ARHGEF3: variants seen among roughly 807,000 people sequenced by gnomAD.
ARHGEF3 encodes 59.8 kDA protein.
A neutral mutation model predicts 63.2 loss-of-function variants in ARHGEF3; 28 were observed. The observed-to-expected ratio is 0.44, with a 90% CI of 0.33 to 0.61. The LOEUF is 0.61. Among genes scored for constraint, ARHGEF3 ranks in the 20% least tolerant of loss-of-function variants. The probability of loss-of-function intolerance (pLI) is 0.03; values close to 1 mark genes in which losing one functional copy is unlikely to be tolerated. For synonymous variants in ARHGEF3, 266 were observed against 254.2 expected (o/e 1.05, Z -0.44); for missense variants, 533 against 659.3 (o/e 0.81, Z 2.10).
intron 2 of ARHGEF3, among the ~76,000 whole-genome samples, chr3:56,981,180 T>C (rs1701314264): frequency 6.6e-6 from 1 of 152,256 alleles, no homozygotes; most frequent in African/African-American, 2.4e-5. Flanking sequence ...TGGACTGAGA[T>C]ATCTGCTTGG....
intron 4 of ARHGEF3, among the ~76,000 whole-genome samples, chr3:56,820,382 A>T (rs2038436382): frequency 6.6e-6 from 1 of 152,218 alleles, no homozygotes; most frequent in Admixed American, 6.5e-5. Flanking sequence ...ACATTAAAAC[A>T]CATAATGAGA....
intron 4 of ARHGEF3, among the ~76,000 whole-genome samples, chr3:56,852,367 T>C (rs2039707655): frequency 6.6e-6 from 1 of 152,220 alleles, no homozygotes; most frequent in African/African-American, 2.4e-5. Flanking sequence ...GTAAGTGTTC[T>C]TTTGTAGTTT....
rs1230863140 is a variant in ARHGEF3 at position 56,860,012 on chromosome 3, T to A, written c.192+22280A>T. ...CCTGTCTCTATTAAAAATACAAAAA[T>A]TAGCCAGTCTCATAACCTGGTCTCA... On this transcript the variant is annotated intron_variant, in intron 4 of 12. Coordinates refer to the ARHGEF3 transcript ENST00000338458. Among the ~76,000 whole-genome samples, 4 of 151,342 alleles carry A rather than the reference T, an allele frequency of 2.6e-5. No homozygotes were observed. The South Asian group carries it at 8.4e-4, about 32-fold the overall frequency.
chr3:56,944,001 C>T (rs940234581), intron 3 of ARHGEF3, among the ~76,000 whole-genome samples: 1 of 151,434 alleles, frequency 6.6e-6, no homozygotes, highest in South Asian at 2.1e-4. Flanking sequence ...CATGGTGAAA[C>T]CCCATCTCTA....
chr3:56,863,300 C>G (rs544332833), intron 4 of ARHGEF3, among the ~76,000 whole-genome samples: 372 of 145,546 alleles, frequency 2.6e-3, no homozygotes, highest in African/African-American at 9.6e-3. Context: ...CCACACCCAG[C>G]TAATTTTTTT....
At chr3:56,817,910 G>A (rs565968084) in intron 4 of ARHGEF3, among the ~76,000 whole-genome samples, 2 of 152,310 alleles carry the variant, frequency 1.3e-5, no homozygotes, top group South Asian at 2.1e-4. Context: ...GGAAGGCCAC[G>A]CATGGGGGAT....
chr3:57,017,005 G>GTCTCTCTCTCTC (rs370663400), intron 2 of ARHGEF3, among the ~76,000 whole-genome samples: 72 of 129,114 alleles, frequency 5.6e-4, no homozygotes, highest in African/African-American at 2.3e-3. Flanking sequence ...CTTTCTCTCT[G>GTCTCTCTCTCTC]TCTCTCTCTC....
intron 4 of ARHGEF3, among the ~76,000 whole-genome samples, chr3:56,836,121 C>CT (rs1318070283): frequency 6.6e-6 from 1 of 152,152 alleles, no homozygotes; most frequent in Admixed American, 6.5e-5. Context: ...TTTCCTTATC[C>CT]TTCAGAGATA....
chr3:56,913,789 A>G (rs1348253616), intron 3 of ARHGEF3, among the ~76,000 whole-genome samples: 2 of 152,246 alleles, frequency 1.3e-5, no homozygotes, highest in Non-Finnish European at 2.9e-5. Context: ...ACTACTGGCT[A>G]TCTACCCAGA....
At position 56,971,142 on chromosome 3, in the gene ARHGEF3, C is replaced by T. The variant is rs533318117; in HGVS notation, c.63-12253G>A. On this transcript the variant is annotated intron_variant, in intron 2 of 12. Coordinates refer to the ARHGEF3 transcript ENST00000338458. ...AAATAATGAGAATGAATTCATGGTG[C>T]GGCCCTCAGTAAGTCTGTGGTCACC... Among the ~76,000 whole-genome samples, 14 of 152,204 alleles carry T rather than the reference C, an allele frequency of 9.2e-5. No homozygotes were observed. The East Asian group carries it at 1.3e-3, about 15-fold the overall frequency.
chr3:56,830,729 T>A (rs567632317), intron 4 of ARHGEF3, among the ~76,000 whole-genome samples: 60 of 152,238 alleles, frequency 3.9e-4, no homozygotes, highest in African/African-American at 1.4e-3. Flanking sequence ...TCCAGCACAG[T>A]GTCCTTTCCC....
chr3:56,902,915 A>T (rs991897478), intron 3 of ARHGEF3, among the ~76,000 whole-genome samples: 1 of 152,200 alleles, frequency 6.6e-6, no homozygotes, highest in African/African-American at 2.4e-5. Context: ...TGAGGACCCA[A>T]GTAGCCCCAA....
intron 1 of ARHGEF3, among the ~76,000 whole-genome samples, chr3:56,782,271 G>A (rs1394102181): frequency 1.3e-5 from 2 of 152,126 alleles, no homozygotes; most frequent in African/African-American, 4.8e-5. Flanking sequence ...ACGGAAACCT[G>A]ACTTCATTGA....
At chr3:56,994,739 C>T (rs139202961) in intron 2 of ARHGEF3, among the ~76,000 whole-genome samples, 146 of 152,194 alleles carry the variant, frequency 9.6e-4, no homozygotes, top group African/African-American at 3.4e-3. Flanking sequence ...GAATCCAGGA[C>T]AATAGAAGAA....
chr3:56,951,320 A>T (rs1417619991), intron 3 of ARHGEF3, among the ~76,000 whole-genome samples: 1 of 151,950 alleles, frequency 6.6e-6, no homozygotes, highest in African/African-American at 2.4e-5. Context: ...AAATTGCCAC[A>T]GCCACCCCAG....
intron 2 of ARHGEF3, among the ~76,000 whole-genome samples, chr3:56,765,703 C>T: frequency 6.6e-6 from 1 of 152,118 alleles, no homozygotes; most frequent in South Asian, 2.1e-4. Context: ...AACCCAAATC[C>T]CTCCACCCTT....
intron 4 of ARHGEF3, among the ~76,000 whole-genome samples, chr3:56,869,868 C>T (rs1194836862): frequency 6.6e-6 from 1 of 152,118 alleles, no homozygotes; most frequent in African/African-American, 2.4e-5. Context: ...GCAAAAATCT[C>T]AGTCAAAATA....
intron 8 of ARHGEF3, among the ~76,000 whole-genome samples, chr3:56,735,380 TG>T (rs1196082460): frequency 6.6e-6 from 1 of 152,152 alleles, no homozygotes; most frequent in Non-Finnish European, 1.5e-5. Flanking sequence ...CTTCAACTAC[TG>T]TGCTTTTTTT....
At chr3:56,766,356 AG>A (rs1325220852) in intron 2 of ARHGEF3, among the ~76,000 whole-genome samples, 1 of 152,206 alleles carries the variant, frequency 6.6e-6, no homozygotes, top group Non-Finnish European at 1.5e-5. Flanking sequence ...AGTGGTTGCT[AG>A]AAACCCTTCT....
Sources: gnomAD v4.1 joint callset for allele counts (sites outside exome capture counted in the v4.1 genomes callset) on GRCh38, gnomAD v4.1.1 for gene constraint, MANE v1.5 for transcripts, NCBI Gene and HGNC (gene_info 2026-07-23, HGNC 2026-07-21) for gene names.